The following XPNPEP1 variants were observed in gnomAD, a reference collection of about 807,000 sequenced individuals.
XPNPEP1 encodes the protein X-prolyl aminopeptidase 1.
XPNPEP1 carries 39 observed loss-of-function variants against 92.4 expected under a neutral mutation model. The ratio of observed to expected loss-of-function variants is 0.42; its 90% CI spans 0.33 to 0.55. XPNPEP1 has a LOEUF of 0.55. Ranked by LOEUF, XPNPEP1 falls within the 20% of genes least tolerant of loss-of-function variation. The pLI, the probability that XPNPEP1 is intolerant of heterozygous loss-of-function variation, is 0.08. For synonymous variants in XPNPEP1, 307 were observed against 299.4 expected, an observed-to-expected ratio of 1.03 and a Z score of -0.26; for missense variants, 654 against 856.1, an observed-to-expected ratio of 0.76 and a Z score of 2.95.
intron 2 of XPNPEP1, among the ~76,000 whole-genome samples, chr10:109,909,588 T>C (rs11194908): frequency 0.019 from 2,940 of 152,282 alleles, 100 homozygotes; most frequent in African/African-American, 0.067. Flanking sequence ...AAAAAGACCT[T>C]TTCTCAACAA....
chr10:109,916,029 G>A (rs148957073), intron 1 of XPNPEP1, among the ~76,000 whole-genome samples: 206 of 152,320 alleles, frequency 1.4e-3, no homozygotes, highest in African/African-American at 4.9e-3. Flanking sequence ...GGCAAGGCAG[G>A]GGGATGGGCA....
chr10:109,902,286 T>C (rs1002669547), intron 3 of XPNPEP1, among the ~76,000 whole-genome samples: 4 of 152,384 alleles, frequency 2.6e-5, no homozygotes, highest in Non-Finnish European at 4.4e-5. Flanking sequence ...ACATCTACAG[T>C]ATGAACCCAT....
chr10:109,869,700 G>C (rs7358050), intron 19 of XPNPEP1, among the ~76,000 whole-genome samples: 6 of 152,306 alleles, frequency 3.9e-5, no homozygotes, highest in African/African-American at 1.4e-4. Context: ...AGTTCATTAA[G>C]GATTTTCTTT....
intron 5 of XPNPEP1, among the ~76,000 whole-genome samples, chr10:109,890,534 CTTCAAATG>C (rs1038062729): frequency 2.1e-5 from 3 of 144,040 alleles, no homozygotes; most frequent in African/African-American, 7.8e-5. Flanking sequence ...TAACAGCCAG[CTTCAAATG>C]CCTGCCTTTG....
At chr10:109,878,596 A>G (rs1847907747) in intron 12 of XPNPEP1, among the ~76,000 whole-genome samples, 1 of 152,172 alleles carries the variant, frequency 6.6e-6, no homozygotes, top group Non-Finnish European at 1.5e-5. Flanking sequence ...AAAACACAAA[A>G]TCATATCTAA....
intron 2 of XPNPEP1, among the ~76,000 whole-genome samples, chr10:109,911,710 T>A (rs1354106820): frequency 6.6e-6 from 1 of 152,204 alleles, no homozygotes; most frequent in Non-Finnish European, 1.5e-5. Flanking sequence ...TGGCTGCACA[T>A]TAGGACTATC....
At chr10:109,921,901 G>C (rs1459942945) in intron 1 of XPNPEP1, among the ~76,000 whole-genome samples, 1 of 152,182 alleles carries the variant, frequency 6.6e-6, no homozygotes, top group Admixed American at 6.5e-5. Flanking sequence ...TTAGGAAGGA[G>C]GGCTCAACTT....
At chr10:109,889,823 GA>G in intron 5 of XPNPEP1, among the ~76,000 whole-genome samples, 1 of 152,240 alleles carries the variant, frequency 6.6e-6, no homozygotes, top group Non-Finnish European at 1.5e-5. Context: ...CCATAGAAGG[GA>G]AGTGCAAAGG....
intron 1 of XPNPEP1, 149 bp downstream of exon 1, chr10:109,923,253 C>T: frequency 8.5e-7 from 1 of 1,182,870 alleles, no homozygotes; most frequent in Non-Finnish European, 1.0e-6. Flanking sequence ...GGCTCCTGTT[C>T]CGGGGCTCCG....
chr10:109,922,507 T>C (rs1850597817), intron 1 of XPNPEP1, among the ~76,000 whole-genome samples: 1 of 152,116 alleles, frequency 6.6e-6, no homozygotes, highest in Non-Finnish European at 1.5e-5. Context: ...CAACGGCAAA[T>C]CCAGGTCAAG....
intron 3 of XPNPEP1, chr10:109,893,926 C>T (rs1313782486): frequency 6.6e-6 from 1 of 152,216 alleles, no homozygotes; most frequent in Non-Finnish European, 1.5e-5. Flanking sequence ...CACTTTATCT[C>T]TCGCCCTCAT....
chr10:109,891,694 A>G (rs775283582), intron 5 of XPNPEP1, 28 bp downstream of exon 5: 2 of 1,528,058 alleles, frequency 1.3e-6, no homozygotes, highest in South Asian at 2.6e-5. Flanking sequence ...AGGCCAACTA[A>G]GTTTGGGCTA....
At chr10:109,882,169 A>G (rs892980939) in intron 10 of XPNPEP1, among the ~76,000 whole-genome samples, 1 of 152,220 alleles carries the variant, frequency 6.6e-6, no homozygotes, top group Non-Finnish European at 1.5e-5. Flanking sequence ...AAATGCTGTT[A>G]AAACAGATAT....
In XPNPEP1 at chr10:109,865,210, T is replaced by C. The variant is rs1847066091; in HGVS notation, c.1975A>G (p.Thr659Ala). 6.2e-7 allele frequency: 1 copy of C among 1,614,104 alleles called. No individual in the cohort carries two copies. The highest frequency in any genetic ancestry group is 1.7e-5 in the Admixed American group (1 of 60,016). Residue 659 changes from threonine to alanine, a missense_variant, in exon 21 of 21, where the codon ACG becomes GCG. Transcript: ENST00000502935. ...TAATGCTGTTTGGAGATGGGTTGCG[T>C]CTCTCTGATGAGCCACTCGAGAGCT... ...QEALEWLIRE[T>A]QPISKQH
chr10:109,880,839 C>A lies in XPNPEP1; in HGVS notation c.1131+3G>T. The A allele has an allele frequency of 6.2e-7, 1 of 1,613,714 alleles. No individual in the cohort carries two copies. The highest frequency in any genetic ancestry group is 2.2e-5 in the East Asian group (1 of 44,856). ...CATCTTCTGCACCAGCTCCTCTACTCACGTGAGCCCGCCTCATGCCTTCTG... is the reference window on the plus strand; with the variant it reads ...CATCTTCTGCACCAGCTCCTCTACTAACGTGAGCCCGCCTCATGCCTTCTG... On this transcript the variant is annotated splice_donor_region_variant and intron_variant, in intron 11 of 20. Transcript: ENST00000502935.
At chr10:109,896,881 C>T (rs1424507907) in intron 3 of XPNPEP1, among the ~76,000 whole-genome samples, 1 of 152,208 alleles carries the variant, frequency 6.6e-6, no homozygotes, top group Non-Finnish European at 1.5e-5. Context: ...CTGGAGCCTG[C>T]AGAAGTAACA....
At chr10:109,915,255 T>G in intron 1 of XPNPEP1, 156 bp from the exon 2 acceptor site, 1 of 417,544 alleles carries the variant, frequency 2.4e-6, no homozygotes, top group East Asian at 3.6e-5. Context: ...AAAAGTTTGA[T>G]GTAAAACTTG....
At chr10:109,880,305 G>T in intron 11 of XPNPEP1, 67 bp from the exon 12 acceptor site, 3 of 1,530,674 alleles carry the variant, frequency 2.0e-6, no homozygotes, top group Non-Finnish European at 2.7e-6. Flanking sequence ...TCAGAGCCTA[G>T]CCCTAATGCA....
At chr10:109,886,533 A>G (rs1848399560) in intron 7 of XPNPEP1, among the ~76,000 whole-genome samples, 192 bp from the exon 8 acceptor site, 1 of 152,208 alleles carries the variant, frequency 6.6e-6, no homozygotes, top group African/African-American at 2.4e-5. Context: ...GTGAGCCTTG[A>G]TTGCCTCACC....
Sources: allele counts gnomAD v4.1 joint callset (sites outside exome capture counted in the v4.1 genomes callset), GRCh38; gene constraint gnomAD v4.1.1; transcripts MANE v1.5; gene names NCBI Gene and HGNC (gene_info 2026-07-23, HGNC 2026-07-21).